The following KHDRBS2 variants were observed in gnomAD, a reference collection of about 807,000 sequenced individuals.
KHDRBS2 encodes KH RNA binding domain containing, signal transduction associated 2, also known as KH domain-containing, RNA-binding, signal transduction-associated protein 2.
A neutral mutation model predicts 44.3 loss-of-function variants in KHDRBS2; 26 were observed. The observed-to-expected ratio is 0.59, with a 90% confidence interval of 0.43 to 0.81. The LOEUF is 0.81. KHDRBS2 is among the 40% of genes least tolerant of loss of function. The probability of loss-of-function intolerance (pLI) is 0.00; values close to 1 mark genes in which losing one functional copy is unlikely to be tolerated. For missense variants in KHDRBS2, 476 were observed against 433.1 expected, an observed-to-expected ratio of 1.10 and a Z score of -0.88; for synonymous variants, 194 against 151.1, an observed-to-expected ratio of 1.28 and a Z score of -2.08.
intron 3 of KHDRBS2, among the ~76,000 whole-genome samples, chr6:61,981,477 AATTT>A (rs1562576834): frequency 2.7e-5 from 4 of 149,472 alleles, no homozygotes; most frequent in Admixed American, 6.6e-5. Context: ...GTTTTTTTTT[AATTT>A]ATTTGTTTGT....
the KHDRBS2 span, among the ~76,000 whole-genome samples, chr6:61,597,309 G>A: frequency 6.6e-6 from 1 of 152,142 alleles, no homozygotes; most frequent in African/African-American, 2.4e-5. Flanking sequence ...TAGTTGGGAG[G>A]TGACTTTAAT....
At chr6:62,148,709 G>A (rs1163435425) in intron 2 of KHDRBS2, among the ~76,000 whole-genome samples, 2 of 151,958 alleles carry the variant, frequency 1.3e-5, no homozygotes, top group Non-Finnish European at 2.9e-5. Context: ...CCCTAAAAAA[G>A]CTCTATTAAG....
the KHDRBS2 span, among the ~76,000 whole-genome samples, chr6:61,568,189 AT>A: frequency 6.6e-6 from 1 of 152,046 alleles, no homozygotes; most frequent in Non-Finnish European, 1.5e-5. Flanking sequence ...AATCTGTTCC[AT>A]TGATTTATGT....
intron 2 of KHDRBS2, among the ~76,000 whole-genome samples, chr6:62,056,607 G>T (rs1341163262): frequency 1.3e-5 from 2 of 151,982 alleles, no homozygotes; most frequent in Non-Finnish European, 2.9e-5. Flanking sequence ...TATGTTGGAT[G>T]TATTAAATAT....
At chr6:62,223,312 C>A (rs1035131261) in intron 1 of KHDRBS2, among the ~76,000 whole-genome samples, 1 of 152,196 alleles carries the variant, frequency 6.6e-6, no homozygotes, top group Non-Finnish European at 1.5e-5. Context: ...CCCCTTTCAG[C>A]CACAGCTGGA....
rs1766153107 is a variant in KHDRBS2, at chr6:61,680,004, T to G, written c.*959A>C. The G allele has an allele frequency of 6.6e-6, 1 of 152,010 alleles. No homozygotes were observed. The highest frequency in any genetic ancestry group is 1.5e-5 in the Non-Finnish European group (1 of 67,924). The allele number at this position is 152,010 out of a possible 1,614,324, so 9.4% of individuals were successfully genotyped here. ...TTATTCTAAATCCATTTTTTTCCAT[T>G]AACATGTTATACATTAGTGTTTACT... On this transcript the variant is annotated 3_prime_UTR_variant, in exon 9 of 9. Coordinates refer to ENST00000281156, the MANE Select transcript of KHDRBS2 (RefSeq NM_152688.4).
At chr6:61,807,904 C>T (rs770522456) in intron 6 of KHDRBS2, among the ~76,000 whole-genome samples, 7 of 152,068 alleles carry the variant, frequency 4.6e-5, no homozygotes, top group African/African-American at 1.7e-4. Flanking sequence ...GTGTTACATA[C>T]GGAGATTGTA....
the KHDRBS2 span, among the ~76,000 whole-genome samples, chr6:61,564,857 A>G: frequency 6.6e-6 from 1 of 152,164 alleles, no homozygotes. Flanking sequence ...CAAAAAGAAC[A>G]AAGATGGAAA....
In KHDRBS2 at chr6:62,241,034, CTT is replaced by C. The variant is rs1834576292; in HGVS notation, c.91+44822_91+44823del. On this transcript the variant is annotated intron_variant, in intron 1 of 8. Transcript: ENST00000281156. ...TAATATGGGTGTTTTGTTATTACCTCTTTGTCAGTTTAAAGTGTTTCAAAATT... is the reference window on the plus strand; with the variant it reads ...TAATATGGGTGTTTTGTTATTACCTCTGTCAGTTTAAAGTGTTTCAAAATT... Among the ~76,000 whole-genome samples the C allele has an allele frequency of 2.0e-5, 3 of 151,944 alleles. No homozygotes were observed. In the South Asian group the frequency reaches 6.2e-4, roughly 31 times the overall value.
At chr6:61,677,199 CAT>C (rs2062731304), downstream of KHDRBS2, among the ~76,000 whole-genome samples, 3 of 151,854 alleles carry the variant, frequency 2.0e-5, no homozygotes, top group South Asian at 6.2e-4. Context: ...AATAAAAAGT[CAT>C]ATTGATTAAC....
chr6:62,084,893 G>A (rs3904141), intron 2 of KHDRBS2, among the ~76,000 whole-genome samples: 89,158 of 151,916 alleles, frequency 0.59, 26,473 homozygotes, highest in Non-Finnish European at 0.62. Flanking sequence ...TTGCTTTCAA[G>A]AAAGATAAGT....
chr6:62,006,759 T>C (rs1358471183), intron 3 of KHDRBS2, among the ~76,000 whole-genome samples: 1 of 151,950 alleles, frequency 6.6e-6, no homozygotes, highest in South Asian at 2.1e-4. Context: ...AATTAAATAG[T>C]AAATTTCCAT....
At chr6:61,891,216 G>C (rs1194457759) in intron 6 of KHDRBS2, among the ~76,000 whole-genome samples, 1 of 152,102 alleles carries the variant, frequency 6.6e-6, no homozygotes, top group East Asian at 1.9e-4. Context: ...TGCTGGAGAG[G>C]TTAAAGGCAA....
At chr6:61,545,992 G>T in the KHDRBS2 span, among the ~76,000 whole-genome samples, 1 of 152,122 alleles carries the variant, frequency 6.6e-6, no homozygotes, top group African/African-American at 2.4e-5. Flanking sequence ...GTAAATTTCT[G>T]TTGTTTAAGC....
intron 7 of KHDRBS2, among the ~76,000 whole-genome samples, chr6:61,707,474 A>C (rs1038929124): frequency 6.6e-6 from 1 of 151,842 alleles, no homozygotes; most frequent in African/African-American, 2.4e-5. Flanking sequence ...CTGTTTAAAA[A>C]TATTGGGTTT....
chr6:61,954,004 C>G (rs1310150823), intron 4 of KHDRBS2, among the ~76,000 whole-genome samples: 1 of 152,088 alleles, frequency 6.6e-6, no homozygotes, highest in African/African-American at 2.4e-5. Flanking sequence ...ACAAACATGA[C>G]AAGTGAATAA....
At chr6:61,675,241 C>A (rs1298710047), downstream of KHDRBS2, among the ~76,000 whole-genome samples, 5 of 151,542 alleles carry the variant, frequency 3.3e-5, no homozygotes, top group Non-Finnish European at 7.4e-5. Context: ...CATGTAAAGA[C>A]CTAAAAGAAC....
chr6:61,802,173 G>C (rs1004650818), intron 6 of KHDRBS2, among the ~76,000 whole-genome samples: 11 of 152,134 alleles, frequency 7.2e-5, no homozygotes, highest in African/African-American at 2.7e-4. Context: ...ACATGAGCTT[G>C]AAAGGGGATG....
At chr6:62,220,452 G>A (rs1213090910) in intron 1 of KHDRBS2, among the ~76,000 whole-genome samples, 1 of 151,778 alleles carries the variant, frequency 6.6e-6, no homozygotes. Context: ...ATATACATAA[G>A]TGTATGTATG....
Sources: allele counts gnomAD v4.1 joint callset (sites outside exome capture counted in the v4.1 genomes callset), GRCh38; gene constraint gnomAD v4.1.1; transcripts MANE v1.5; gene names NCBI Gene and HGNC (gene_info 2026-07-23, HGNC 2026-07-21).